Variants in MAP2K6 observed in about 807,000 individuals in gnomAD.
MAP2K6 encodes the protein dual specificity mitogen-activated protein kinase kinase 6.
In MAP2K6, 16 loss-of-function variants were observed where a neutral mutation model predicts 53.7. The observed-to-expected ratio is 0.30, with a 90% CI of 0.20 to 0.45. The LOEUF (loss-of-function observed/expected upper bound fraction) is 0.45. Ranked by LOEUF, MAP2K6 falls within the 20% of genes least tolerant of loss-of-function variation. MAP2K6 has a pLI of 1.00. For synonymous variants in MAP2K6, 132 were observed against 143.1 expected, an observed-to-expected ratio of 0.92 and a Z score of 0.55; for missense variants, 204 against 411.9, an observed-to-expected ratio of 0.50 and a Z score of 4.37.
chr17:69,471,786 C>T (rs187913761), intron 1 of MAP2K6, among the ~76,000 whole-genome samples: 7 of 152,290 alleles, frequency 4.6e-5, no homozygotes. Context: ...CTGTATTATT[C>T]TGTAGGCTGT....
chr17:69,423,041 G>T (rs1047905058), intron 1 of MAP2K6, among the ~76,000 whole-genome samples: 1 of 151,992 alleles, frequency 6.6e-6, no homozygotes, highest in Non-Finnish European at 1.5e-5. Flanking sequence ...GCACCACCAC[G>T]CCCAGCTAAT....
At position 69,552,470 on chromosome 17, in the gene MAP2K6, C is replaced by G. The variant is rs1476186830; in HGVS notation, c.*10717C>G. ...ATCATCTCTTCTTTACGGATTGCCGCATTGTCTCTTTGTGAATGAGGCAGG... is the reference window on the plus strand; with the variant it reads ...ATCATCTCTTCTTTACGGATTGCCGGATTGTCTCTTTGTGAATGAGGCAGG... On this transcript the variant is annotated 3_prime_UTR_variant, in exon 12 of 12. Transcript: ENST00000590474. The G allele has an allele frequency of 6.6e-5, 10 of 152,216 alleles. No homozygotes were observed. The highest frequency in any genetic ancestry group is 1.0e-4 in the Non-Finnish European group (7 of 68,050). The allele number at this position is 152,216 out of a possible 1,614,324, so 9.4% of individuals were successfully genotyped here.
intron 1 of MAP2K6, among the ~76,000 whole-genome samples, chr17:69,489,864 T>C (rs577348214): frequency 2.0e-5 from 3 of 152,338 alleles, no homozygotes; most frequent in Admixed American, 2.0e-4. Flanking sequence ...CAGGAAAGTA[T>C]GTAGCCGAAC....
intron 1 of MAP2K6, among the ~76,000 whole-genome samples, chr17:69,459,883 C>G (rs1907556783): frequency 6.6e-6 from 1 of 150,544 alleles, no homozygotes; most frequent in African/African-American, 2.5e-5. Flanking sequence ...TCTGCCTTCC[C>G]TTTCTCCCTC....
At chr17:69,419,211 A>G (rs1001385040) in intron 1 of MAP2K6, among the ~76,000 whole-genome samples, 1 of 152,160 alleles carries the variant, frequency 6.6e-6, no homozygotes, top group Admixed American at 6.6e-5. Flanking sequence ...TTTTTTGCAC[A>G]GCTATACACA....
At chr17:69,512,494 C>A (rs1909904193) in intron 2 of MAP2K6, among the ~76,000 whole-genome samples, 1 of 151,774 alleles carries the variant, frequency 6.6e-6, no homozygotes, top group Non-Finnish European at 1.5e-5. Flanking sequence ...CACCCGCCAC[C>A]ATGCCCAGCT....
At chr17:69,440,393 C>T (rs1388150992) in intron 1 of MAP2K6, among the ~76,000 whole-genome samples, 1 of 152,120 alleles carries the variant, frequency 6.6e-6, no homozygotes, top group Non-Finnish European at 1.5e-5. Flanking sequence ...CCTTACTTCC[C>T]TATCCCTACC....
At chr17:69,457,923 G>A (rs1907473341) in intron 1 of MAP2K6, among the ~76,000 whole-genome samples, 1 of 152,166 alleles carries the variant, frequency 6.6e-6, no homozygotes, top group Non-Finnish European at 1.5e-5. Context: ...ATTAAAGTTC[G>A]GGAAGCACTG....
chr17:69,540,844 A>C (rs1262609115), intron 11 of MAP2K6, among the ~76,000 whole-genome samples: 1 of 152,216 alleles, frequency 6.6e-6, no homozygotes, highest in African/African-American at 2.4e-5. Flanking sequence ...TGGCTTGGCA[A>C]ATGGCTTTAA....
At chr17:69,539,486 C>T (rs943068082) in intron 11 of MAP2K6, among the ~76,000 whole-genome samples, 1 of 152,174 alleles carries the variant, frequency 6.6e-6, no homozygotes, top group African/African-American at 2.4e-5. Flanking sequence ...CCTCAAAACC[C>T]ACACAAGAAG....
chr17:69,541,045 C>T (rs1356665579), intron 11 of MAP2K6, among the ~76,000 whole-genome samples: 1 of 152,160 alleles, frequency 6.6e-6, no homozygotes, highest in Admixed American at 6.5e-5. Flanking sequence ...TGGCAGATCA[C>T]GAGGTCAGGA....
chr17:69,493,065 A>T (rs563136913), intron 1 of MAP2K6, among the ~76,000 whole-genome samples: 1 of 152,178 alleles, frequency 6.6e-6, no homozygotes, highest in Non-Finnish European at 1.5e-5. Flanking sequence ...AATATTTCAT[A>T]TATGTTTTGG....
At chr17:69,483,321 G>T (rs1308733653) in intron 1 of MAP2K6, among the ~76,000 whole-genome samples, 2 of 151,928 alleles carry the variant, frequency 1.3e-5, no homozygotes, top group Non-Finnish European at 2.9e-5. Flanking sequence ...TGATCAATTT[G>T]TAAATAAAAT....
intron 1 of MAP2K6, among the ~76,000 whole-genome samples, chr17:69,455,936 C>T (rs1907396034): frequency 6.8e-6 from 1 of 146,586 alleles, no homozygotes; most frequent in Non-Finnish European, 1.5e-5. Context: ...TCTTGGCTCA[C>T]TGCAAACTCC....
chr17:69,538,472 C>A (rs1911462801), intron 11 of MAP2K6, among the ~76,000 whole-genome samples: 1 of 152,214 alleles, frequency 6.6e-6, no homozygotes, highest in Non-Finnish European at 1.5e-5. Context: ...AAGACTATAA[C>A]TGTTCCCTGC....
chr17:69,452,647 G>A (rs1797265927), intron 1 of MAP2K6, among the ~76,000 whole-genome samples: 1 of 152,152 alleles, frequency 6.6e-6, no homozygotes, highest in South Asian at 2.1e-4. Context: ...GTAGGTGAAA[G>A]CAAGCAAATA....
At chr17:69,482,767 A>T (rs1239267779) in intron 1 of MAP2K6, among the ~76,000 whole-genome samples, 2 of 152,010 alleles carry the variant, frequency 1.3e-5, no homozygotes, top group African/African-American at 4.8e-5. Context: ...TGAGTGGGAG[A>T]TGTTATATCT....
chr17:69,461,235 A>G (rs966045537), intron 1 of MAP2K6, among the ~76,000 whole-genome samples: 1 of 152,118 alleles, frequency 6.6e-6, no homozygotes, highest in Admixed American at 6.6e-5. Context: ...GAAAACTCTC[A>G]TGACTTTCCT....
At position 69,414,721 on chromosome 17, in the gene MAP2K6, T is replaced by G; in HGVS notation, c.-264T>G. 2.3e-6 allele frequency: 1 copy of G among 426,116 alleles called. No individual in the cohort carries two copies. Among genetic ancestry groups the G allele is most frequent in the South Asian group, 3.6e-5 (1 of 28,150 alleles). 26.4% of individuals were successfully genotyped at this position (426,116 alleles called of 1,614,324 possible). On this transcript the variant is annotated 5_prime_UTR_variant, in exon 1 of 12. Coordinates refer to ENST00000590474, the MANE Select transcript of MAP2K6 (RefSeq NM_002758.4). Reference sequence around the variant, plus strand: ...CAGTTCCAAGTTTGGAGCTTTTAGCTGCCAGCCCTGGCCCATCATGTAGCT... The same window carrying G: ...CAGTTCCAAGTTTGGAGCTTTTAGCGGCCAGCCCTGGCCCATCATGTAGCT...
Sources: allele counts gnomAD v4.1 joint callset (sites outside exome capture counted in the v4.1 genomes callset), GRCh38; gene constraint gnomAD v4.1.1; transcripts MANE v1.5; gene names NCBI Gene and HGNC (gene_info 2026-07-23, HGNC 2026-07-21).